Variants in NFATC3 observed in about 807,000 individuals in gnomAD.
NFATC3 encodes the protein nuclear factor of activated T-cells, cytoplasmic 3.
In NFATC3, 46 loss-of-function variants were observed where a neutral mutation model predicts 98.6. The ratio of observed to expected loss-of-function variants is 0.47; its 90% CI spans 0.37 to 0.60. The LOEUF (loss-of-function observed/expected upper bound fraction) is 0.60. NFATC3 is among the 20% of genes least tolerant of loss of function. The probability of loss-of-function intolerance (pLI) is 0.00; values close to 1 mark genes in which losing one functional copy is unlikely to be tolerated. For synonymous variants in NFATC3, 512 were observed against 472.2 expected (o/e 1.08, Z -1.09); for missense variants, 1,256 against 1,295.5 (o/e 0.97, Z 0.47).
rs1289132068 is a variant in NFATC3, at chr16:68,103,615, G to A, written c.103+17831G>A. On this transcript the variant is annotated intron_variant, in intron 1 of 9. Coordinates refer to ENST00000346183, the MANE Select transcript of NFATC3 (RefSeq NM_173165.3). ...GTGCTTTTACTATTAAGAATCCATC[G>A]CCAAATCTGAAGTCTTGACAGTGTA... 2.6e-5 allele frequency among the ~76,000 whole-genome samples: 4 copies of A among 152,104 alleles called. No homozygotes were observed. In the South Asian group the frequency reaches 6.2e-4, roughly 24 times the overall value.
At chr16:68,163,020 C>G (rs932070209) in intron 4 of NFATC3, among the ~76,000 whole-genome samples, 11 of 151,886 alleles carry the variant, frequency 7.2e-5, no homozygotes, top group Non-Finnish European at 7.4e-5. Context: ...TCCATTTAAC[C>G]CTGAGTGGAC....
chr16:68,178,660 G>A (rs974347362), intron 6 of NFATC3, among the ~76,000 whole-genome samples: 1 of 152,188 alleles, frequency 6.6e-6, no homozygotes, highest in Admixed American at 6.5e-5. Flanking sequence ...ATCAAGAAAG[G>A]TCTTTCTGTA....
intron 1 of NFATC3, among the ~76,000 whole-genome samples, chr16:68,112,555 C>T (rs904466137): frequency 2.0e-5 from 3 of 151,444 alleles, no homozygotes; most frequent in South Asian, 2.1e-4. Flanking sequence ...GGATTATAGG[C>T]GTGAGCCACT....
At chr16:68,145,131 C>T (rs978229699) in intron 3 of NFATC3, among the ~76,000 whole-genome samples, 1 of 150,648 alleles carries the variant, frequency 6.6e-6, no homozygotes, top group Non-Finnish European at 1.5e-5. Flanking sequence ...CTTTCTCTCT[C>T]TCTTTTTTTT....
Position 68,198,915 on chromosome 16 carries a change from G to A in NFATC3, c.3106+7140G>A, listed in dbSNP as rs149896112. Among the ~76,000 whole-genome samples, 741 of 152,222 alleles carry A rather than the reference G, an allele frequency of 4.9e-3. 26 individuals carry two copies. Among genetic ancestry groups the A allele is most frequent in the Admixed American group, 0.043 (664 of 15,292 alleles). Reference sequence around the variant, plus strand: ...ACAAAAAAACTAGCCAGACATGGTGGTGCGTGCCTGTAGTCCCAGCTACTC... The same window carrying A: ...ACAAAAAAACTAGCCAGACATGGTGATGCGTGCCTGTAGTCCCAGCTACTC... On this transcript the variant is annotated intron_variant, in intron 9 of 9. Coordinates refer to ENST00000346183, the MANE Select transcript of NFATC3 (RefSeq NM_173165.3).
chr16:68,190,164 G>T (rs529928683), intron 8 of NFATC3, among the ~76,000 whole-genome samples: 1 of 152,290 alleles, frequency 6.6e-6, no homozygotes, highest in African/African-American at 2.4e-5. Flanking sequence ...GAATGTATTT[G>T]TTAGTTTTTT....
chr16:68,202,334 G>A (rs918294854), intron 9 of NFATC3, among the ~76,000 whole-genome samples: 30 of 152,116 alleles, frequency 2.0e-4, no homozygotes, highest in Middle Eastern at 3.4e-3. Flanking sequence ...TAAAAGACAA[G>A]CAGAAGAGCC....
chr16:68,183,215 A>G, intron 7 of NFATC3, 25 bp from the exon 8 acceptor site: 1 of 1,557,206 alleles, frequency 6.4e-7, no homozygotes, highest in East Asian at 2.2e-5. Context: ...TCTGAGTGTA[A>G]CACAATCTTG....
chr16:68,095,217 G>A (rs1445353059), intron 1 of NFATC3, among the ~76,000 whole-genome samples: 1 of 151,772 alleles, frequency 6.6e-6, no homozygotes, highest in East Asian at 1.9e-4. Flanking sequence ...TTTTTTTTGA[G>A]AGAGAATCTC....
intron 1 of NFATC3, among the ~76,000 whole-genome samples, chr16:68,112,809 T>C (rs1265629808): frequency 1.3e-5 from 2 of 151,998 alleles, no homozygotes; most frequent in South Asian, 4.2e-4. Context: ...TCTCTAACCT[T>C]GTTTGCCCGT....
Position 68,092,443 on chromosome 16 carries a change from ACT to A in NFATC3, c.103+6667_103+6668del, listed in dbSNP as rs1168515120. On this transcript the variant is annotated intron_variant, in intron 1 of 9. Transcript: ENST00000346183. Reference sequence around the variant, plus strand: ...ACTCCAGCCTGGGGGACAGAGTAAAACTCTCTCTCAAAAAAAAAAAAAATAAA... The same window carrying A: ...ACTCCAGCCTGGGGGACAGAGTAAAACTCTCTCAAAAAAAAAAAAAATAAA... Among the ~76,000 whole-genome samples the A allele has an allele frequency of 7.7e-5, 11 of 143,780 alleles. 1 individual carries two copies. Among genetic ancestry groups the A allele is most frequent in the African/African-American group, 2.3e-4 (9 of 38,508 alleles). The allele number at this position is 143,780 out of a possible 152,430, so 94.3% of individuals were successfully genotyped here. A position where few individuals can be genotyped will look rare whatever the true frequency, so the allele number is the denominator to read the frequency against.
chr16:68,156,311 G>A lies in NFATC3; in HGVS notation c.1402-1558G>A, dbSNP rs189296930. Among the ~76,000 whole-genome samples, 100 of 150,598 alleles carry A rather than the reference G, an allele frequency of 6.6e-4. 2 individuals are homozygous for A. Among genetic ancestry groups the A allele is most frequent in the South Asian group, 3.9e-3 (18 of 4,640 alleles). On this transcript the variant is annotated intron_variant, in intron 3 of 9. Coordinates refer to ENST00000346183, the MANE Select transcript of NFATC3 (RefSeq NM_173165.3). Reference sequence around the variant, plus strand: ...GCCTGGGGGACAAGAGCGAGACTTCGTCTCAAAAACAACAACAACAACAAA... The same window carrying A: ...GCCTGGGGGACAAGAGCGAGACTTCATCTCAAAAACAACAACAACAACAAA...
chr16:68,132,808 TA>T (rs2037184066), intron 3 of NFATC3, among the ~76,000 whole-genome samples: 1 of 152,180 alleles, frequency 6.6e-6, no homozygotes, highest in Admixed American at 6.5e-5. Context: ...ATGAAGGGGC[TA>T]AAAAATTTGA....
rs890496025 is a variant in NFATC3 at position 68,197,183 on chromosome 16, A to G, written c.3106+5408A>G. 9.3e-4 allele frequency among the ~76,000 whole-genome samples: 142 copies of G among 152,268 alleles called. 1 individual carries two copies. Among genetic ancestry groups the G allele is most frequent in the African/African-American group, 3.2e-3 (135 of 41,546 alleles). On this transcript the variant is annotated intron_variant, in intron 9 of 9. Coordinates refer to ENST00000346183, the MANE Select transcript of NFATC3 (RefSeq NM_173165.3). ...GGTCTAGAACTCATGGCCTCAAGCAATTCTCCCACCTTGGCCTCTCAAAGT... is the reference window on the plus strand; with the variant it reads ...GGTCTAGAACTCATGGCCTCAAGCAGTTCTCCCACCTTGGCCTCTCAAAGT...
chr16:68,192,500 A>G (rs1408489338), intron 9 of NFATC3, among the ~76,000 whole-genome samples: 2 of 151,940 alleles, frequency 1.3e-5, no homozygotes. Flanking sequence ...AGTTCCATAA[A>G]TATTGCTGAA....
At chr16:68,151,544 A>G (rs755426900) in intron 3 of NFATC3, among the ~76,000 whole-genome samples, 1 of 152,180 alleles carries the variant, frequency 6.6e-6, no homozygotes, top group Non-Finnish European at 1.5e-5. Flanking sequence ...TTATACATGA[A>G]TGTCTGATGG....
At chr16:68,200,084 C>T (rs768863645) in intron 9 of NFATC3, 1 of 152,002 alleles carries the variant, frequency 6.6e-6, no homozygotes, top group Non-Finnish European at 1.5e-5. Flanking sequence ...ATATTTAATC[C>T]TTCTTGTATA....
At chr16:68,178,867 G>A (rs1037960558) in intron 6 of NFATC3, among the ~76,000 whole-genome samples, 3 of 152,138 alleles carry the variant, frequency 2.0e-5, no homozygotes, top group Non-Finnish European at 4.4e-5. Context: ...GCAGTTACTG[G>A]TTTTAGAGGA....
intron 3 of NFATC3, chr16:68,138,527 C>G: frequency 7.8e-7 from 1 of 1,283,216 alleles, no homozygotes; most frequent in Non-Finnish European, 1.0e-6. Context: ...AAGATACGTT[C>G]ATCTTTTGAT....
Sources: gnomAD v4.1 joint callset for allele counts (sites outside exome capture counted in the v4.1 genomes callset) on GRCh38, gnomAD v4.1.1 for gene constraint, MANE v1.5 for transcripts, NCBI Gene and HGNC (gene_info 2026-07-23, HGNC 2026-07-21) for gene names.